Variants in SDK1 observed in about 807,000 individuals in gnomAD.
SDK1 encodes protein sidekick-1.
Under a neutral mutation model 245.5 loss-of-function variants are expected in SDK1, and 157 were observed. The observed-to-expected ratio is 0.64, with a 90% confidence interval of 0.56 to 0.73. SDK1 has a LOEUF of 0.73. Among genes scored for constraint, SDK1 ranks in the 30% least tolerant of loss-of-function variants. SDK1 has a pLI of 0.00. For missense variants in SDK1, 3,583 were observed against 3,002.3 expected (o/e 1.19, Z -4.52); for synonymous variants, 1,647 against 1,278.5 (o/e 1.29, Z -6.15).
rs190271752 is a variant in SDK1 at position 3,481,164 on chromosome 7, A to C, written c.299-137916A>C. On this transcript the variant is annotated intron_variant, in intron 1 of 44. Coordinates refer to ENST00000404826, the MANE Select transcript of SDK1 (RefSeq NM_152744.4). The stretch of plus-strand genomic sequence containing the variant: ...AAAACTATTTTACTTAAAAAATTTT[A>C]AGAGGCAATTTAAAAAGTTGTTTTT... 4.2e-3 allele frequency among the ~76,000 whole-genome samples: 643 copies of C among 152,288 alleles called. 7 individuals are homozygous for C. Among genetic ancestry groups the C allele is most frequent in the South Asian group, 0.018 (87 of 4,820 alleles).
chr7:3,547,418 G>C (rs1276672133), intron 1 of SDK1, among the ~76,000 whole-genome samples: 2 of 152,200 alleles, frequency 1.3e-5, no homozygotes, highest in Admixed American at 1.3e-4. Flanking sequence ...TTGAGCTCTA[G>C]ACAGTGAAGT....
chr7:3,479,876 ATTT>A (rs1554277608), intron 1 of SDK1, among the ~76,000 whole-genome samples: 1 of 147,714 alleles, frequency 6.8e-6, no homozygotes, highest in Admixed American at 6.7e-5. Context: ...AAAAAAAAAA[ATTT>A]TTTTTTTCAT....
chr7:3,403,834 T>TATATATATATATATATATA (rs1778958334), intron 1 of SDK1, among the ~76,000 whole-genome samples: 1 of 50,336 alleles, frequency 2.0e-5, no homozygotes. Context: ...CATATATATA[T>TATATATATATATATATATA]ATATATATAT....
intron 4 of SDK1, among the ~76,000 whole-genome samples, chr7:3,739,283 A>G (rs1487481619): frequency 6.6e-6 from 1 of 152,122 alleles, no homozygotes; most frequent in Non-Finnish European, 1.5e-5. Context: ...CTTTGCATTT[A>G]TCCTTCTTAG....
chr7:4,147,879 C>T (rs1305019227), intron 29 of SDK1, among the ~76,000 whole-genome samples: 1 of 152,068 alleles, frequency 6.6e-6, no homozygotes, highest in Non-Finnish European at 1.5e-5. Flanking sequence ...TTGACTGTGC[C>T]CCTCCCGCGA....
At chr7:4,106,737 G>T (rs541896924) in intron 22 of SDK1, among the ~76,000 whole-genome samples, 1 of 152,078 alleles carries the variant, frequency 6.6e-6, no homozygotes, top group Non-Finnish European at 1.5e-5. Context: ...AACGCGGCGC[G>T]TGCCTTTCTC....
At chr7:4,234,480 A>G (rs1179483764) in intron 41 of SDK1, among the ~76,000 whole-genome samples, 2 of 152,108 alleles carry the variant, frequency 1.3e-5, no homozygotes, top group Non-Finnish European at 2.9e-5. Flanking sequence ...AAGGTGCCCA[A>G]AGCCTACCAC....
intron 1 of SDK1, among the ~76,000 whole-genome samples, chr7:3,505,018 A>C (rs1385909514): frequency 6.6e-6 from 1 of 152,062 alleles, no homozygotes; most frequent in Non-Finnish European, 1.5e-5. Context: ...TGGTGATACA[A>C]CTCCTGATGT....
chr7:3,959,006 A>G lies in SDK1; in HGVS notation c.1226A>G (p.Gln409Arg). ...EVEETVDIGCQAMGVPLPTLQ... is the reference protein window; with the variant it reads ...EVEETVDIGCRAMGVPLPTLQ... ...GAAGAAACTGTGGACATCGGATGTC[A>G]AGCCATGGGTGAGTGCAGAGTGGCT... The change falls in exon 8 of 45, where the codon CAA becomes CGA. Residue 409 changes from glutamine to arginine, a missense_variant. Coordinates refer to ENST00000404826, the MANE Select transcript of SDK1 (RefSeq NM_152744.4). 6.2e-7 allele frequency: 1 copy of G among 1,613,282 alleles called. No homozygotes were observed. The highest frequency in any genetic ancestry group is 8.5e-7 in the Non-Finnish European group (1 of 1,179,248).
intron 1 of SDK1, among the ~76,000 whole-genome samples, chr7:3,349,244 T>C (rs896287892): frequency 9.9e-5 from 15 of 152,186 alleles, no homozygotes; most frequent in Non-Finnish European, 7.4e-5. Flanking sequence ...CCTATTTAGA[T>C]GTATACCTTT....
intron 1 of SDK1, among the ~76,000 whole-genome samples, chr7:3,525,711 T>C (rs2128616240): frequency 6.6e-6 from 1 of 152,264 alleles, no homozygotes; most frequent in East Asian, 1.9e-4. Flanking sequence ...GAGTTGATTT[T>C]CCAAATGACT....
chr7:4,101,434 A>G (rs1217981620), intron 22 of SDK1, among the ~76,000 whole-genome samples: 4 of 152,202 alleles, frequency 2.6e-5, no homozygotes, highest in African/African-American at 9.6e-5. Flanking sequence ...GGCGTGAGCC[A>G]CCGCACCCGG....
In SDK1 at chr7:3,453,862, AT is replaced by A. The variant is rs906125655; in HGVS notation, c.298+151986del. Among the ~76,000 whole-genome samples, 15 of 151,890 alleles carry A rather than the reference AT, an allele frequency of 9.9e-5. No individual in the cohort carries two copies. The East Asian group carries it at 2.9e-3, about 29-fold the overall frequency. On this transcript the variant is annotated intron_variant, in intron 1 of 44. Transcript: ENST00000404826. ...CAAGTGATCCTCCTGCCTTGGCAGTATTTTTTTTAATGGCACTGAGAGACAG... is the reference window on the plus strand; with the variant it reads ...CAAGTGATCCTCCTGCCTTGGCAGTATTTTTTTAATGGCACTGAGAGACAG...
chr7:3,792,086 C>T (rs1781111743), intron 4 of SDK1, among the ~76,000 whole-genome samples: 1 of 152,020 alleles, frequency 6.6e-6, no homozygotes, highest in Non-Finnish European at 1.5e-5. Context: ...TATGAGTGCA[C>T]CACTGCACTC....
intron 1 of SDK1, among the ~76,000 whole-genome samples, chr7:3,474,696 A>G (rs1247977715): frequency 2.6e-5 from 4 of 151,524 alleles, no homozygotes; most frequent in Non-Finnish European, 4.4e-5. Context: ...CATTACTTCT[A>G]TTTTTATTTT....
intron 32 of SDK1, among the ~76,000 whole-genome samples, chr7:4,168,538 A>G (rs1325724078): frequency 2.6e-5 from 4 of 152,144 alleles, no homozygotes; most frequent in South Asian, 4.2e-4. Context: ...CAACCTCCTA[A>G]CTTCCTGCTT....
At chr7:3,443,291 T>C (rs1227647642) in intron 1 of SDK1, among the ~76,000 whole-genome samples, 4 of 152,204 alleles carry the variant, frequency 2.6e-5, no homozygotes, top group Non-Finnish European at 5.9e-5. Context: ...ACACTACTTA[T>C]GTTTGACAAT....
At chr7:3,456,565 A>C (rs187504506) in intron 1 of SDK1, among the ~76,000 whole-genome samples, 13 of 152,292 alleles carry the variant, frequency 8.5e-5, no homozygotes, top group Non-Finnish European at 1.5e-5. Flanking sequence ...ATTTGTTTTT[A>C]AAAAAATAAC....
intron 2 of SDK1, among the ~76,000 whole-genome samples, chr7:3,635,039 AC>A (rs1782412180): frequency 2.0e-5 from 3 of 152,130 alleles, no homozygotes; most frequent in African/African-American, 4.8e-5. Flanking sequence ...CTTCCCAAAA[AC>A]TTTTGTTGAC....
Sources: gnomAD v4.1 joint callset for allele counts (sites outside exome capture counted in the v4.1 genomes callset) on GRCh38, gnomAD v4.1.1 for gene constraint, MANE v1.5 for transcripts, NCBI Gene and HGNC (gene_info 2026-07-23, HGNC 2026-07-21) for gene names.